Variants in NEK5 observed in about 807,000 individuals in gnomAD.
NEK5 encodes the protein NIMA related kinase 5.
A neutral mutation model predicts 109.2 loss-of-function variants in NEK5; 88 were observed. The observed-to-expected ratio is 0.81, with a 90% confidence interval of 0.68 to 0.96. The LOEUF (loss-of-function observed/expected upper bound fraction) is 0.96. NEK5 is among the 40% of genes least tolerant of loss of function. The pLI, the probability that NEK5 is intolerant of heterozygous loss-of-function variation, is 0.00. For synonymous variants in NEK5, 283 were observed against 299.9 expected (o/e 0.94, Z 0.58); for missense variants, 834 against 920.7 (o/e 0.91, Z 1.22).
intron 23 of NEK5, among the ~76,000 whole-genome samples, chr13:52,038,825 GAAAAAA>G (rs1183060212): frequency 1.1e-5 from 1 of 94,566 alleles, no homozygotes; most frequent in Non-Finnish European, 2.0e-5. Context: ...ACACTCATCT[GAAAAAA>G]AAAAAAAAAA....
At chr13:52,069,237 G>A (rs1954745482) in intron 20 of NEK5, among the ~76,000 whole-genome samples, 1 of 152,062 alleles carries the variant, frequency 6.6e-6, no homozygotes, top group East Asian at 1.9e-4. Context: ...GGCCATTAAC[G>A]GCTCCTGAAG....
Position 52,102,292 on chromosome 13 carries a change from A to C in NEK5, c.610T>G (p.Phe204Val). 1 of 1,612,082 alleles carries C rather than the reference A, an allele frequency of 6.2e-7. No homozygotes were observed. The highest frequency in any genetic ancestry group is 8.5e-7 in the Non-Finnish European group (1 of 1,178,150). ...LYELCTLKHP[F>V]EGNNLQQLVL... Reference sequence around the variant, plus strand: ...AGCTGCTGTAAGTTGTTACCCTCAAACTGAAAGGACAAGGAGAAATGACAC... The same window carrying C: ...AGCTGCTGTAAGTTGTTACCCTCAACCTGAAAGGACAAGGAGAAATGACAC... Residue 204 changes from phenylalanine (F) to valine (V), a missense_variant and splice_region_variant, in exon 10 of 24, where the codon TTT (phenylalanine) becomes GTT (valine). By Grantham distance (50) the Phe-to-Val change is conservative (BLOSUM62 -1). Coordinates refer to ENST00000684899, the MANE Select transcript of NEK5 (RefSeq NM_001365552.1).
Position 52,075,806 on chromosome 13 carries a change from A to G in NEK5, c.1674T>C (p.Ile558=), listed in dbSNP as rs144389807. 8 of 1,567,810 alleles carry G rather than the reference A, an allele frequency of 5.1e-6. No homozygotes were observed. Among genetic ancestry groups the G allele is most frequent in the African/African-American group, 2.7e-5 (2 of 73,134 alleles). The part of the protein sequence containing the change: ...YKAKKGVKFE[I]NLDKCISDEN... ...CATCAGAAATACATTTGTCTAAATT[A>G]ATTTCAAATTTTACCCCCTTCTAGG... The change falls in exon 19 of 24, where the codon ATT becomes ATC. Residue 558 remains isoleucine (I), a synonymous_variant. Coordinates refer to ENST00000684899, the MANE Select transcript of NEK5 (RefSeq NM_001365552.1).
chr13:52,048,342 C>T (rs1030917770), intron 23 of NEK5, among the ~76,000 whole-genome samples: 4 of 151,846 alleles, frequency 2.6e-5, no homozygotes, highest in Non-Finnish European at 5.9e-5. Context: ...GAGGCTGAGA[C>T]GGGAGGATCA....
chr13:52,037,070 T>A lies in NEK5; in HGVS notation c.2377A>T (p.Met793Leu), dbSNP rs1429911769. The change falls in exon 24 of 24, where the codon ATG becomes TTG. Residue 793 changes from methionine to leucine, a missense_variant. Transcript: ENST00000684899. ...TCCCTTAATTCTTCAGATTTCTGCA[T>A]ACTTATCCCCTCTCTTTCTCTTGAC... ...RKSREREGIS[M>L]QKSEELREGL... 2.0e-6 allele frequency: 2 copies of A among 985,304 alleles called. No individual in the cohort carries two copies. The highest frequency in any genetic ancestry group is 1.2e-4 in the Admixed American group (2 of 16,266). 61.0% of individuals were successfully genotyped at this position (985,304 alleles called of 1,614,324 possible). A position where few individuals can be genotyped will look rare whatever the true frequency, so the allele number is the denominator to read the frequency against.
At chr13:52,076,903 G>A (rs1190707422) in intron 17 of NEK5, among the ~76,000 whole-genome samples, 2 of 152,176 alleles carry the variant, frequency 1.3e-5, no homozygotes, top group African/African-American at 2.4e-5. Flanking sequence ...CTGCTGACAC[G>A]AAAATTACAT....
chr13:52,089,102 C>CAACAACAACAAA (rs762548617), intron 14 of NEK5, 145 bp downstream of exon 14: 18 of 602,496 alleles, frequency 3.0e-5, no homozygotes, highest in South Asian at 4.3e-5. Context: ...AAAACAACAA[C>CAACAACAACAAA]AACAAAAACA....
chr13:52,100,269 T>C (rs1955503253), intron 11 of NEK5, among the ~76,000 whole-genome samples: 1 of 148,568 alleles, frequency 6.7e-6, no homozygotes, highest in South Asian at 2.1e-4. Context: ...ATCTTCTCTC[T>C]TTTTTTTTTG....
intron 22 of NEK5, among the ~76,000 whole-genome samples, chr13:52,054,327 T>C (rs911568287): frequency 6.6e-6 from 1 of 152,174 alleles, no homozygotes. Flanking sequence ...GAGGTTTTTG[T>C]TTGTTTGTTT....
Position 52,108,346 on chromosome 13 carries a change from A to G in NEK5, c.526T>C (p.Cys176Arg). 6.2e-7 allele frequency: 1 copy of G among 1,611,656 alleles called. No homozygotes were observed. Among genetic ancestry groups the G allele is most frequent in the South Asian group, 1.1e-5 (1 of 90,698 alleles). Residue 176 changes from cysteine (C) to arginine (R), a missense_variant, in exon 8 of 24, where the codon TGT (cysteine) becomes CGT (arginine). Coordinates refer to ENST00000684899, the MANE Select transcript of NEK5 (RefSeq NM_001365552.1). Reference sequence around the variant, plus strand: ...TTATTGTTGTAGGGTTTATTCTGACAGATCTCTGGGGACAGGTAGTAAGGT... The same window carrying G: ...TTATTGTTGTAGGGTTTATTCTGACGGATCTCTGGGGACAGGTAGTAAGGT... ...GTPYYLSPEI[C>R]QNKPYNNKTD...
chr13:52,108,335 T>A lies in NEK5; in HGVS notation c.537A>T (p.Lys179Asn). The A allele has an allele frequency of 6.2e-7, 1 of 1,610,386 alleles. No individual in the cohort carries two copies. The highest frequency in any genetic ancestry group is 1.1e-5 in the South Asian group (1 of 90,574). ...CAACTTACGTTTTATTGTTGTAGGGTTTATTCTGACAGATCTCTGGGGACA... is the reference window on the plus strand; with the variant it reads ...CAACTTACGTTTTATTGTTGTAGGGATTATTCTGACAGATCTCTGGGGACA... ...YYLSPEICQN[K>N]PYNNKTDIWS... Residue 179 changes from lysine (K) to asparagine (N), a missense_variant, in exon 8 of 24, where the codon AAA becomes AAT. Lys to Asn is a moderately conservative substitution (Grantham distance 94). Transcript: ENST00000684899.
At chr13:52,096,456 G>A (rs906609769) in intron 12 of NEK5, among the ~76,000 whole-genome samples, 5 of 152,124 alleles carry the variant, frequency 3.3e-5, no homozygotes, top group Non-Finnish European at 7.4e-5. Flanking sequence ...TGGAGATGAG[G>A]AACTTATTGA....
rs148054384 is a variant in NEK5, at chr13:52,090,918, C to T, written c.1209-1605G>A. ...GCAGGCGCCTGTAGTCCCAGCTACT[C>T]TGGAGACTGAGGCAGGAGAATGGTG... On this transcript the variant is annotated intron_variant, in intron 13 of 23. Transcript: ENST00000684899. Among the ~76,000 whole-genome samples, 257 of 152,044 alleles carry T rather than the reference C, an allele frequency of 1.7e-3. 2 individuals carry two copies. Among genetic ancestry groups the T allele is most frequent in the African/African-American group, 6.0e-3 (248 of 41,472 alleles).
chr13:52,064,194 G>A (rs1472869766), intron 21 of NEK5, among the ~76,000 whole-genome samples: 10 of 130,780 alleles, frequency 7.6e-5, no homozygotes, highest in East Asian at 4.8e-4. Context: ...TCAGCCCCCC[G>A]CCCGGCCAGC....
chr13:52,087,502 A>T lies in NEK5; in HGVS notation c.1276-48T>A, dbSNP rs151109569. 546 of 923,516 alleles carry T rather than the reference A, an allele frequency of 5.9e-4. 1 individual carries two copies. The African/African-American group carries it at 6.8e-3, about 12-fold the overall frequency. 57.2% of individuals were successfully genotyped at this position (923,516 alleles called of 1,614,324 possible). On this transcript the variant is annotated intron_variant, in intron 14 of 23. Coordinates refer to ENST00000684899, the MANE Select transcript of NEK5 (RefSeq NM_001365552.1). Reference sequence around the variant, plus strand: ...TATAATGCATACTTTGATTTCGGAAACATCTTCTGATTTGACATTGACTTT... The same window carrying T: ...TATAATGCATACTTTGATTTCGGAATCATCTTCTGATTTGACATTGACTTT...
intron 20 of NEK5, among the ~76,000 whole-genome samples, chr13:52,070,665 CT>C (rs1954769447): frequency 6.6e-6 from 1 of 152,196 alleles, no homozygotes; most frequent in South Asian, 2.1e-4. Context: ...CCAATTAAAC[CT>C]CTTTCTTTTG....
At chr13:52,090,529 A>G (rs1253383360) in intron 13 of NEK5, among the ~76,000 whole-genome samples, 3 of 152,232 alleles carry the variant, frequency 2.0e-5, no homozygotes, top group Non-Finnish European at 4.4e-5. Context: ...AGAAGAGATT[A>G]GGGCTGTGAA....
chr13:52,087,191 A>G, intron 15 of NEK5, 147 bp downstream of exon 15: 1 of 470,468 alleles, frequency 2.1e-6, no homozygotes, highest in Non-Finnish European at 3.8e-6. Context: ...AAAGTGAAAT[A>G]CCTAACTCTG....
chr13:52,101,137 G>A (rs564098671), intron 11 of NEK5, among the ~76,000 whole-genome samples: 8 of 152,074 alleles, frequency 5.3e-5, no homozygotes, highest in Admixed American at 3.3e-4. Context: ...GGTGGCTCAC[G>A]CCTGTAATCC....
Sources: allele counts gnomAD v4.1 joint callset (sites outside exome capture counted in the v4.1 genomes callset), GRCh38; gene constraint gnomAD v4.1.1; transcripts MANE v1.5; gene names NCBI Gene and HGNC (gene_info 2026-07-23, HGNC 2026-07-21).